RABGAP1L: variants seen among roughly 807,000 people sequenced by gnomAD.
The protein encoded by RABGAP1L is rab GTPase-activating protein 1-like.
RABGAP1L carries 63 observed loss-of-function variants against 137.7 expected under a neutral mutation model. The ratio of observed to expected loss-of-function variants is 0.46; its 90% CI spans 0.37 to 0.56. The LOEUF is 0.56. Among genes scored for constraint, RABGAP1L ranks in the 20% least tolerant of loss-of-function variants. RABGAP1L has a pLI of 0.00. For synonymous variants in RABGAP1L, 431 were observed against 433.7 expected (o/e 0.99, Z 0.08); for missense variants, 1,095 against 1,244.0 (o/e 0.88, Z 1.80).
intron 19 of RABGAP1L, among the ~76,000 whole-genome samples, chr1:174,903,801 T>G (rs941907633): frequency 1.3e-5 from 2 of 151,762 alleles, no homozygotes; most frequent in Admixed American, 1.3e-4. Flanking sequence ...AAATACAAAA[T>G]TAGCTGGACA....
intron 1 of RABGAP1L, among the ~76,000 whole-genome samples, chr1:174,162,679 G>C (rs552254825): frequency 6.9e-6 from 1 of 145,976 alleles, no homozygotes; most frequent in Admixed American, 6.9e-5. Context: ...TATAACTCTT[G>C]ACTTATATAA....
chr1:174,964,958 CAGT>C (rs1669487478), intron 20 of RABGAP1L: 1 of 1,503,146 alleles, frequency 6.7e-7, no homozygotes, highest in East Asian at 2.5e-5. Flanking sequence ...TGATTGAAAA[CAGT>C]AGTTGGTCTA....
chr1:174,807,318 C>T (rs1252860981), intron 18 of RABGAP1L, among the ~76,000 whole-genome samples: 1 of 151,940 alleles, frequency 6.6e-6, no homozygotes, highest in Admixed American at 6.6e-5. Context: ...GTAGACAATA[C>T]ACATACATAT....
intron 7 of RABGAP1L, among the ~76,000 whole-genome samples, chr1:174,265,188 T>C (rs936974495): frequency 2.6e-5 from 4 of 152,218 alleles, no homozygotes; most frequent in Admixed American, 1.3e-4. Flanking sequence ...ACTTGTAAAT[T>C]AGCACCCGTT....
At chr1:174,822,219 C>A (rs1417911562) in intron 19 of RABGAP1L, among the ~76,000 whole-genome samples, 2 of 152,228 alleles carry the variant, frequency 1.3e-5, no homozygotes, top group Admixed American at 1.3e-4. Context: ...GGAGATTGCA[C>A]CGCTGCACTG....
At chr1:174,586,312 C>G (rs1366900775) in intron 13 of RABGAP1L, among the ~76,000 whole-genome samples, 1 of 145,378 alleles carries the variant, frequency 6.9e-6, no homozygotes, top group Non-Finnish European at 1.5e-5. Context: ...AAACCAAACA[C>G]CTCGTGTTGT....
intron 19 of RABGAP1L, among the ~76,000 whole-genome samples, chr1:174,912,592 G>A (rs1447907117): frequency 1.3e-5 from 2 of 152,196 alleles, no homozygotes; most frequent in East Asian, 1.9e-4. Context: ...AATCTGATAA[G>A]TTTATTTCAT....
At chr1:174,225,738 C>T (rs1298400433) in intron 3 of RABGAP1L, among the ~76,000 whole-genome samples, 2 of 152,100 alleles carry the variant, frequency 1.3e-5, no homozygotes, top group African/African-American at 4.8e-5. Context: ...CATTTTCCTT[C>T]TACCCCTGTG....
chr1:174,352,468 TTCTTTC>T (rs1683284004), intron 11 of RABGAP1L, among the ~76,000 whole-genome samples: 3 of 152,166 alleles, frequency 2.0e-5, no homozygotes, highest in Non-Finnish European at 4.4e-5. Context: ...TGATTCTGAA[TTCTTTC>T]TCTTTGTTAT....
intron 13 of RABGAP1L, among the ~76,000 whole-genome samples, chr1:174,407,141 AAG>A (rs1309720614): frequency 2.0e-5 from 3 of 152,120 alleles, no homozygotes; most frequent in African/African-American, 7.2e-5. Context: ...GAGGTGAAAA[AAG>A]GGATAGGCAG....
chr1:174,855,680 C>T (rs1362195074), intron 19 of RABGAP1L, among the ~76,000 whole-genome samples: 1 of 152,150 alleles, frequency 6.6e-6, no homozygotes, highest in Non-Finnish European at 1.5e-5. Flanking sequence ...AGACATGGCT[C>T]TTGAGAGCCT....
intron 14 of RABGAP1L, among the ~76,000 whole-genome samples, chr1:174,678,654 G>T (rs1182262367): frequency 6.6e-6 from 1 of 152,196 alleles, no homozygotes; most frequent in East Asian, 1.9e-4. Flanking sequence ...CCAAGATGGT[G>T]GCGGGCTGCT....
intron 10 of RABGAP1L, among the ~76,000 whole-genome samples, chr1:174,299,720 G>A (rs759055345): frequency 6.6e-6 from 1 of 152,148 alleles, no homozygotes; most frequent in Non-Finnish European, 1.5e-5. Flanking sequence ...AGTCAAAAAG[G>A]TTGCTTTGGC....
At position 174,415,867 on chromosome 1, in the gene RABGAP1L, C is replaced by G. The variant is rs987274136; in HGVS notation, c.1710+21722C>G. 6.8e-4 allele frequency among the ~76,000 whole-genome samples: 104 copies of G among 151,880 alleles called. 1 individual carries two copies. The highest frequency in any genetic ancestry group is 2.3e-3 in the African/African-American group (95 of 41,382). ...TGCAGGGGTGATTCTGGTATGTTCA[C>G]ATAATTTTTGACTCATTCAGTCTTA... On this transcript the variant is annotated intron_variant, in intron 13 of 25. Transcript: ENST00000681986.
intron 13 of RABGAP1L, among the ~76,000 whole-genome samples, chr1:174,520,392 A>G (rs1047491045): frequency 3.9e-5 from 6 of 152,260 alleles, no homozygotes; most frequent in African/African-American, 1.4e-4. Flanking sequence ...TTGTGCTGCC[A>G]TAGCAACTGA....
At chr1:174,934,780 T>C (rs1048185602) in intron 19 of RABGAP1L, among the ~76,000 whole-genome samples, 8 of 152,154 alleles carry the variant, frequency 5.3e-5, no homozygotes, top group Non-Finnish European at 7.3e-5. Flanking sequence ...ACCAGAGTGA[T>C]ACCCTATCTC....
At chr1:174,693,213 G>GCTGCTGTAAACTCTTCACTGATTTCCCA (rs1418911836) in intron 15 of RABGAP1L, among the ~76,000 whole-genome samples, 1 of 152,164 alleles carries the variant, frequency 6.6e-6, no homozygotes, top group African/African-American at 2.4e-5. Flanking sequence ...AATCAGATCC[G>GCTGCTGTAAACTCTTCACTGATTTCCCA]CTGCTGTAAA....
At chr1:174,277,552 A>C (rs1030644681) in intron 9 of RABGAP1L, among the ~76,000 whole-genome samples, 1 of 151,596 alleles carries the variant, frequency 6.6e-6, no homozygotes, top group East Asian at 1.9e-4. Flanking sequence ...ATTCTGATTC[A>C]AAGTATACAT....
At chr1:174,564,534 A>G (rs1667439921) in intron 13 of RABGAP1L, among the ~76,000 whole-genome samples, 1 of 152,162 alleles carries the variant, frequency 6.6e-6, no homozygotes, top group Non-Finnish European at 1.5e-5. Context: ...ACATCTGGCA[A>G]AGTAGGCTGC....
Sources: allele counts gnomAD v4.1 joint callset (sites outside exome capture counted in the v4.1 genomes callset), GRCh38; gene constraint gnomAD v4.1.1; transcripts MANE v1.5; gene names NCBI Gene and HGNC (gene_info 2026-07-23, HGNC 2026-07-21).